Variants in ERG observed in about 807,000 individuals in gnomAD.
ERG encodes the protein ETS transcription factor ERG, also known as transcriptional regulator ERG.
ERG carries 9 observed loss-of-function variants against 55.3 expected under a neutral mutation model. The observed-to-expected ratio is 0.16, with a 90% CI of 0.10 to 0.28. ERG has a LOEUF of 0.28. Among genes scored for constraint, ERG ranks in the 10% least tolerant of loss-of-function variants. The probability of loss-of-function intolerance (pLI) is 1.00; values close to 1 mark genes in which losing one functional copy is unlikely to be tolerated. For missense variants in ERG, 434 were observed against 631.6 expected (o/e 0.69, Z 3.35); for synonymous variants, 223 against 237.3 (o/e 0.94, Z 0.55).
intron 1 of ERG, among the ~76,000 whole-genome samples, chr21:38,495,871 G>A (rs117649676): frequency 0.016 from 2,496 of 152,294 alleles, 23 homozygotes; most frequent in Non-Finnish European, 0.023. Flanking sequence ...CAGTGGGGCC[G>A]GTGAGGTTCA....
intron 1 of ERG, among the ~76,000 whole-genome samples, chr21:38,637,664 TAAA>T (rs2060398132): frequency 6.6e-6 from 1 of 152,220 alleles, no homozygotes. Context: ...TTAATAATAA[TAAA>T]AGACTTTAAA....
At chr21:38,368,550 T>C in the ERG span, among the ~76,000 whole-genome samples, 1 of 152,180 alleles carries the variant, frequency 6.6e-6, no homozygotes, top group African/African-American at 2.4e-5. Flanking sequence ...ACTCCAACAC[T>C]GGGGATTACA....
At chr21:38,368,095 A>G in the ERG span, among the ~76,000 whole-genome samples, 1 of 152,232 alleles carries the variant, frequency 6.6e-6, no homozygotes, top group Non-Finnish European at 1.5e-5. Flanking sequence ...ACCAATAAAG[A>G]AAACACTACC....
rs548347976 is a variant in ERG, at chr21:38,386,185, A to G, written c.920-2262T>C. Among the ~76,000 whole-genome samples the G allele has an allele frequency of 8.5e-5, 13 of 152,342 alleles. No homozygotes were observed. In the South Asian group the frequency reaches 2.7e-3, roughly 32 times the overall value. On this transcript the variant is annotated intron_variant, in intron 9 of 9. Coordinates refer to ENST00000288319, the MANE Select transcript of ERG (RefSeq NM_182918.4). ...TCTATGCCCAAAGGATGGATGAGCTAATTTCTCACTTGACTATTTTACCCA... is the reference window on the plus strand; with the variant it reads ...TCTATGCCCAAAGGATGGATGAGCTGATTTCTCACTTGACTATTTTACCCA...
At chr21:38,403,391 G>A in intron 4 of ERG, 115 bp downstream of exon 4, 3 of 986,806 alleles carry the variant, frequency 3.0e-6, no homozygotes, top group Middle Eastern at 3.1e-4. Flanking sequence ...GATCCCCAGT[G>A]GGAACTGGGC....
At chr21:38,651,223 G>A (rs1266927782) in intron 1 of ERG, among the ~76,000 whole-genome samples, 9 of 152,140 alleles carry the variant, frequency 5.9e-5, no homozygotes, top group East Asian at 3.8e-4. Context: ...ATCTAGTACC[G>A]AACATGTCAC....
intron 3 of ERG, among the ~76,000 whole-genome samples, chr21:38,411,858 T>C (rs1056386200): frequency 3.9e-5 from 6 of 152,226 alleles, no homozygotes; most frequent in African/African-American, 1.4e-4. Context: ...GTTCATTACA[T>C]ATTTCAAGGC....
chr21:38,578,855 C>A (rs768889327), intron 1 of ERG, among the ~76,000 whole-genome samples: 1 of 152,314 alleles, frequency 6.6e-6, no homozygotes, highest in South Asian at 2.1e-4. Flanking sequence ...CAATAGATTA[C>A]TGACATACAC....
chr21:38,591,304 T>C (rs1251854026), intron 1 of ERG, among the ~76,000 whole-genome samples: 2 of 152,202 alleles, frequency 1.3e-5, no homozygotes, highest in Admixed American at 1.3e-4. Context: ...TGTAGGAGCC[T>C]GACAGCATTA....
chr21:38,464,910 C>T (rs2059075183), intron 1 of ERG, among the ~76,000 whole-genome samples: 2 of 152,126 alleles, frequency 1.3e-5, no homozygotes, highest in African/African-American at 4.8e-5. Context: ...TTTTTTATGG[C>T]TGCATGGTAT....
At chr21:38,590,336 C>A (rs978795248) in intron 1 of ERG, among the ~76,000 whole-genome samples, 1 of 152,008 alleles carries the variant, frequency 6.6e-6, no homozygotes, top group African/African-American at 2.4e-5. Flanking sequence ...GGGAGGAGAG[C>A]AGGAAAGGTG....
In ERG at chr21:38,457,244, G is replaced by A. The variant is rs193069567; in HGVS notation, c.19-11623C>T. On this transcript the variant is annotated intron_variant, in intron 1 of 9. Transcript: ENST00000288319. ...GAGGTCAGGAGATGGAAAACATCCTGGCTAACATGGTGAAACCCCATCTCT... is the reference window on the plus strand; with the variant it reads ...GAGGTCAGGAGATGGAAAACATCCTAGCTAACATGGTGAAACCCCATCTCT... 5.3e-5 allele frequency among the ~76,000 whole-genome samples: 8 copies of A among 152,254 alleles called. No individual in the cohort carries two copies. The East Asian group carries it at 1.2e-3, about 22-fold the overall frequency.
intron 2 of ERG, among the ~76,000 whole-genome samples, chr21:38,427,247 G>T (rs953331615): frequency 6.6e-6 from 1 of 151,004 alleles, no homozygotes; most frequent in African/African-American, 2.4e-5. Context: ...GCTGATTTTT[G>T]TATTTTTAGT....
At chr21:38,617,660 G>A (rs1009768645) in intron 1 of ERG, among the ~76,000 whole-genome samples, 2 of 152,082 alleles carry the variant, frequency 1.3e-5, no homozygotes, top group Non-Finnish European at 2.9e-5. Flanking sequence ...AACAGGACAA[G>A]TCCTGAACTC....
At chr21:38,524,369 G>A (rs923601643) in intron 2 of ERG, among the ~76,000 whole-genome samples, 1 of 152,190 alleles carries the variant, frequency 6.6e-6, no homozygotes, top group Non-Finnish European at 1.5e-5. Flanking sequence ...ACTAGGAATC[G>A]TTATGCAACC....
chr21:38,379,965 A>C (rs1341569023), downstream of ERG: 1 of 983,002 alleles, frequency 1.0e-6, no homozygotes, highest in South Asian at 4.8e-5. Flanking sequence ...TGTTGGGATT[A>C]CAGGTGTGAG....
chr21:38,439,606 T>C (rs879922995), intron 2 of ERG, among the ~76,000 whole-genome samples: 2 of 152,220 alleles, frequency 1.3e-5, no homozygotes, highest in African/African-American at 2.4e-5. Context: ...ATGTCCTGTG[T>C]CTACACAACG....
At chr21:38,613,274 G>C (rs533055813) in intron 1 of ERG, among the ~76,000 whole-genome samples, 23 of 152,320 alleles carry the variant, frequency 1.5e-4, no homozygotes, top group Admixed American at 1.5e-3. Context: ...GTCAGACATA[G>C]TTTTCTGAAC....
At position 38,403,550 on chromosome 21, in the gene ERG, T is replaced by C. The variant is rs754976241; in HGVS notation, c.548A>G (p.Tyr183Cys). ...KDDFQRLTPS[Y>C]NADILLSHLH... ...ATGTGAGAGAAGGATGTCGGCGTTG[T>C]AGCTGGGGGTGAGCCTCTGGAAGTC... The change falls in exon 4 of 10, where the codon TAC (tyrosine) becomes TGC (cysteine). Residue 183 changes from tyrosine (Y) to cysteine (C), a missense_variant. Around this residue, in one of 5 missense-constraint regions of ERG, gnomAD observed 212 missense variants for 262.9 expected, o/e 0.81. Transcript: ENST00000288319. 5 of 1,614,194 alleles carry C rather than the reference T, an allele frequency of 3.1e-6. No individual in the cohort carries two copies. The highest frequency in any genetic ancestry group is 4.2e-6 in the Non-Finnish European group (5 of 1,180,026).
Sources: gnomAD v4.1 joint callset for allele counts (sites outside exome capture counted in the v4.1 genomes callset) on GRCh38, gnomAD v4.1.1 for gene constraint, gnomAD v4.1.1 regional missense constraint, MANE v1.5 for transcripts, NCBI Gene and HGNC (gene_info 2026-07-23, HGNC 2026-07-21) for gene names.